The following FGF14 variants were observed in gnomAD, a reference collection of about 807,000 sequenced individuals.
FGF14 encodes the protein fibroblast growth factor homologous factor 4.
A neutral mutation model predicts 25.5 loss-of-function variants in FGF14; 5 were observed. That is an observed-to-expected ratio of 0.20 (90% CI 0.10 to 0.41). FGF14 has a LOEUF of 0.41. FGF14 is among the 10% of genes least tolerant of loss of function. FGF14 has a pLI of 1.00. For synonymous variants in FGF14, 138 were observed against 118.3 expected, an observed-to-expected ratio of 1.17 and a Z score of -1.08; for missense variants, 222 against 320.1, an observed-to-expected ratio of 0.69 and a Z score of 2.34.
At chr13:101,962,256 C>G (rs2036905065) in intron 1 of FGF14, among the ~76,000 whole-genome samples, 1 of 152,110 alleles carries the variant, frequency 6.6e-6, no homozygotes, top group African/African-American at 2.4e-5. Context: ...TGTTGCTCTC[C>G]TTGAAGAGGT....
At chr13:101,908,548 T>C (rs571005920) in intron 1 of FGF14, among the ~76,000 whole-genome samples, 163 of 152,280 alleles carry the variant, frequency 1.1e-3, no homozygotes, top group Middle Eastern at 3.4e-3. Flanking sequence ...TTATTGGACC[T>C]CTTCAAAGAG....
At chr13:101,845,634 G>C (rs2043415777) in intron 3 of FGF14, among the ~76,000 whole-genome samples, 1 of 151,954 alleles carries the variant, frequency 6.6e-6, no homozygotes, top group Non-Finnish European at 1.5e-5. Context: ...CTAGATAAAA[G>C]GGTAGTCAGG....
intron 3 of FGF14, among the ~76,000 whole-genome samples, chr13:101,751,937 A>C (rs2037310549): frequency 6.6e-6 from 1 of 152,124 alleles, no homozygotes; most frequent in South Asian, 2.1e-4. Context: ...AAAAACAAAC[A>C]AACAAACAAA....
chr13:101,857,546 A>T (rs1198704250), intron 3 of FGF14, among the ~76,000 whole-genome samples: 1 of 152,042 alleles, frequency 6.6e-6, no homozygotes, highest in Non-Finnish European at 1.5e-5. Context: ...TCCAGGCTGG[A>T]TGAGTTATCT....
intron 3 of FGF14, among the ~76,000 whole-genome samples, chr13:101,775,862 C>T (rs550980113): frequency 3.3e-5 from 5 of 152,082 alleles, no homozygotes. Context: ...CTATCAATTA[C>T]GCACATGAGC....
In FGF14 at chr13:102,066,768, A is replaced by G. The variant is rs369468373; in HGVS notation, c.209-191472T>C. Among the ~76,000 whole-genome samples, 6 of 152,268 alleles carry G rather than the reference A, an allele frequency of 3.9e-5. No individual in the cohort carries two copies. The South Asian group carries it at 1.2e-3, about 32-fold the overall frequency. ...ATCCTAGTTGTGCTTCAATTGAAAT[A>G]TCTCTTGCATCTGCAGAATCCCTGT... On this transcript the variant is annotated intron_variant, in intron 1 of 4. Transcript: ENST00000376131.
chr13:102,180,322 CT>C (rs1471617801), intron 1 of FGF14, among the ~76,000 whole-genome samples: 2 of 151,640 alleles, frequency 1.3e-5, no homozygotes, highest in African/African-American at 2.4e-5. Flanking sequence ...TTACTTTTTA[CT>C]TTTTTTTGAG....
chr13:102,312,222 C>CAAAAAAAAAAAAAAAAAAAAAAAAAAA (rs34575465), intron 1 of FGF14, among the ~76,000 whole-genome samples: 1 of 96,962 alleles, frequency 1.0e-5, no homozygotes, highest in Non-Finnish European at 2.3e-5. Flanking sequence ...AGACCTAAAC[C>CAAAAAAAAAAAAAAAAAAAAAAAAAAA]AAAAAAAAAA....
intron 1 of FGF14, among the ~76,000 whole-genome samples, chr13:102,357,303 T>C (rs1312488079): frequency 6.6e-6 from 1 of 152,006 alleles, no homozygotes; most frequent in East Asian, 1.9e-4. Flanking sequence ...CACACCTGCA[T>C]GCACACTCCA....
intron 1 of FGF14, among the ~76,000 whole-genome samples, chr13:101,876,399 T>C (rs1382251888): frequency 4.6e-5 from 7 of 152,158 alleles, no homozygotes; most frequent in East Asian, 1.9e-4. Context: ...TAGCACCTTA[T>C]AATCAATAGA....
At chr13:102,087,930 G>A (rs2044001341) in intron 1 of FGF14, among the ~76,000 whole-genome samples, 1 of 152,156 alleles carries the variant, frequency 6.6e-6, no homozygotes, top group Non-Finnish European at 1.5e-5. Flanking sequence ...TGATATGTAT[G>A]CAGATGTTTG....
At chr13:102,298,766 G>A (rs2054867067) in intron 1 of FGF14, among the ~76,000 whole-genome samples, 1 of 152,082 alleles carries the variant, frequency 6.6e-6, no homozygotes, top group African/African-American at 2.4e-5. Context: ...GAAAGCTGGA[G>A]GAAAAATATC....
chr13:102,321,371 C>T (rs180749374), intron 1 of FGF14, among the ~76,000 whole-genome samples: 1 of 152,062 alleles, frequency 6.6e-6, no homozygotes, highest in Admixed American at 6.5e-5. Flanking sequence ...ATATAATTTG[C>T]AATTCTCAAA....
intron 1 of FGF14, among the ~76,000 whole-genome samples, chr13:102,152,643 T>G (rs1191411459): frequency 7.2e-5 from 11 of 152,190 alleles, no homozygotes; most frequent in Non-Finnish European, 4.4e-5. Context: ...GTCAGGGAAT[T>G]TGCTAGAGCT....
intron 1 of FGF14, among the ~76,000 whole-genome samples, chr13:102,069,808 A>C (rs2043081109): frequency 6.6e-6 from 1 of 152,206 alleles, no homozygotes; most frequent in African/African-American, 2.4e-5. Flanking sequence ...GAAGTCAGTG[A>C]GACCAAGAAC....
intron 1 of FGF14, among the ~76,000 whole-genome samples, chr13:102,180,728 T>C (rs2048639658): frequency 6.6e-6 from 1 of 152,186 alleles, no homozygotes; most frequent in Admixed American, 6.6e-5. Flanking sequence ...AGAATGTATA[T>C]GCTATATGAA....
chr13:102,319,479 C>T (rs2056162362), intron 1 of FGF14, among the ~76,000 whole-genome samples: 2 of 152,222 alleles, frequency 1.3e-5, no homozygotes, highest in Admixed American at 1.3e-4. Flanking sequence ...CTTGCCCCCA[C>T]CAGCACACAG....
chr13:102,045,923 G>A (rs775022788), intron 1 of FGF14: 5 of 153,966 alleles, frequency 3.2e-5, no homozygotes, highest in Non-Finnish European at 5.9e-5. Context: ...TAGAAGAGCT[G>A]AACAAGCATT....
At chr13:101,918,030 A>G (rs573240895), upstream of FGF14, among the ~76,000 whole-genome samples, 72 of 152,246 alleles carry the variant, frequency 4.7e-4, no homozygotes, top group African/African-American at 1.7e-3. Flanking sequence ...TCCCTGGGCA[A>G]AGAAGCTCTG....
Sources: gnomAD v4.1 joint callset for allele counts (sites outside exome capture counted in the v4.1 genomes callset) on GRCh38, gnomAD v4.1.1 for gene constraint, MANE v1.5 for transcripts, NCBI Gene and HGNC (gene_info 2026-07-23, HGNC 2026-07-21) for gene names.